The following LAMA5 variants were observed in gnomAD, a reference collection of about 807,000 sequenced individuals.
LAMA5 encodes the protein laminin subunit alpha 5.
LAMA5 carries 260 observed loss-of-function variants against 433.4 expected under a neutral mutation model. That is an observed-to-expected ratio of 0.60 (90% CI 0.54 to 0.66). The LOEUF (loss-of-function observed/expected upper bound fraction) is 0.66. Among genes scored for constraint, LAMA5 ranks in the 30% least tolerant of loss-of-function variants. The pLI is 0.00. For synonymous variants in LAMA5, 2,620 were observed against 2,226.6 expected, an observed-to-expected ratio of 1.18 and a Z score of -4.97; for missense variants, 5,378 against 5,258.5, an observed-to-expected ratio of 1.02 and a Z score of -0.70.
rs1979831810 is a variant in LAMA5 at position 62,328,988 on chromosome 20, C to T, written c.4303G>A (p.Ala1435Thr). ...ACTTCGTGGCAGCCACATGGACGGG[C>T]TCCGTTGTTATAGAAGAGGGAGAGG... ...ASLSLFYNNG[A>T]RPCGCHEVGA... is the part of the protein sequence containing the mutation. Residue 1435 changes from alanine to threonine, a missense_variant, in exon 34 of 80, where the codon GCC (alanine) becomes ACC (threonine). Physicochemically the swap from Ala to Thr is moderately conservative, Grantham distance 58. Coordinates refer to ENST00000252999, the MANE Select transcript of LAMA5 (RefSeq NM_005560.6). 6.2e-7 allele frequency: 1 copy of T among 1,612,498 alleles called. No individual in the cohort carries two copies. The highest frequency in any genetic ancestry group is 1.7e-5 in the Admixed American group (1 of 59,968).
chr20:62,325,625 CT>C, intron 40 of LAMA5, 79 bp from the exon 41 acceptor site: 1 of 937,786 alleles, frequency 1.1e-6, no homozygotes, highest in Non-Finnish European at 1.6e-6. Context: ...CCCCCCAACC[CT>C]GTAGGGGATG....
chr20:62,334,358 G>C lies in LAMA5; in HGVS notation c.2583-16C>G. The C allele has an allele frequency of 6.3e-7, 1 of 1,583,064 alleles. No individual in the cohort carries two copies. The highest frequency in any genetic ancestry group is 8.6e-7 in the Non-Finnish European group (1 of 1,165,260). On this transcript the variant is annotated splice_polypyrimidine_tract_variant and intron_variant, in intron 21 of 79. Transcript: ENST00000252999. ...CCTCGCAGGCCTGGCCACAGCAGGG[G>C]CTGGTCAGGTGCAGCTTGGCCATCC...
chr20:62,337,569 C>A (rs1981875432), intron 16 of LAMA5, 21 bp downstream of exon 16: 1 of 1,583,142 alleles, frequency 6.3e-7, no homozygotes, highest in Admixed American at 1.8e-5. Flanking sequence ...ACCTGGTGCA[C>A]ACAGCCACCT....
In LAMA5 at chr20:62,366,969, C is replaced by A; in HGVS notation, c.277G>T (p.Asp93Tyr). The A allele has an allele frequency of 7.8e-7, 1 of 1,274,476 alleles. No homozygotes were observed. The allele number at this position is 1,274,476 out of a possible 1,614,324, so 78.9% of individuals were successfully genotyped here. Reference protein sequence around the residue: ...KLVGGPVAGGDPNQTIRGQYC... With the variant: ...KLVGGPVAGGYPNQTIRGQYC... ...CTCACCCGGATGGTCTGGTTGGGGT[C>A]GCCGCCGGCCACGGGGCCCCCTACC... Residue 93 changes from aspartate (D) to tyrosine (Y), a missense_variant, in exon 1 of 80, where the codon GAC becomes TAC. Transcript: ENST00000252999.
intron 11 of LAMA5, among the ~76,000 whole-genome samples, chr20:62,343,513 C>T (rs1242613683): frequency 6.6e-6 from 1 of 152,190 alleles, no homozygotes; most frequent in Non-Finnish European, 1.5e-5. Flanking sequence ...CAGAGGCTTA[C>T]GCCTGTAATC....
intron 1 of LAMA5, among the ~76,000 whole-genome samples, chr20:62,364,199 C>T (rs1986468318): frequency 6.6e-6 from 1 of 152,192 alleles, no homozygotes; most frequent in Non-Finnish European, 1.5e-5. Flanking sequence ...TTGATGGTGG[C>T]CCCCAAACTC....
intron 6 of LAMA5, among the ~76,000 whole-genome samples, chr20:62,347,881 G>C (rs1983624039): frequency 6.6e-6 from 1 of 152,186 alleles, no homozygotes; most frequent in Non-Finnish European, 1.5e-5. Context: ...ACCTCACAGG[G>C]CCTCGGGAAT....
intron 11 of LAMA5, among the ~76,000 whole-genome samples, chr20:62,340,305 G>GTTTTTTTTTTTTTTTTTTTTTTTTTT (rs34415039): frequency 1.0e-5 from 1 of 99,464 alleles, no homozygotes; most frequent in Non-Finnish European, 1.8e-5. Context: ...AGCCTCCTTT[G>GTTTTTTTTTTTTTTTTTTTTTTTTTT]TTTTTTTTTT....
At chr20:62,354,363 C>T (rs1325984651) in intron 2 of LAMA5, among the ~76,000 whole-genome samples, 3 of 144,100 alleles carry the variant, frequency 2.1e-5, no homozygotes, top group Non-Finnish European at 4.6e-5. Flanking sequence ...CCCTACCCAT[C>T]CCCTGACACC....
intron 16 of LAMA5, among the ~76,000 whole-genome samples, chr20:62,337,382 G>A (rs138624944): frequency 1.3e-5 from 2 of 152,348 alleles, no homozygotes; most frequent in Non-Finnish European, 2.9e-5. Context: ...CACGACAGGC[G>A]CGGATGCACA....
In LAMA5 at chr20:62,318,832, A is replaced by C. The variant is rs112873489; in HGVS notation, c.7042+11T>G. The C allele has an allele frequency of 3.2e-5, 51 of 1,609,572 alleles. No individual in the cohort carries two copies. Among genetic ancestry groups the C allele is most frequent in the African/African-American group, 1.6e-4 (12 of 74,820 alleles). Reference sequence around the variant, plus strand: ...CTCCCCACCCCGCCTGCCAGGGACAACACCACTCACATCTCTGTGCTGCAG... The same window carrying C: ...CTCCCCACCCCGCCTGCCAGGGACACCACCACTCACATCTCTGTGCTGCAG... On this transcript the variant is annotated intron_variant, in intron 52 of 79. Transcript: ENST00000252999.
Position 62,346,572 on chromosome 20 carries a change from C to T in LAMA5, c.1216G>A (p.Glu406Lys). 1 of 1,583,434 alleles carries T rather than the reference C, an allele frequency of 6.3e-7. No homozygotes were observed. Among genetic ancestry groups the T allele is most frequent in the Non-Finnish European group, 8.6e-7 (1 of 1,164,868 alleles). Residue 406 changes from glutamate (E) to lysine (K), a missense_variant, in exon 9 of 80, where the codon GAG becomes AAG. Coordinates refer to ENST00000252999, the MANE Select transcript of LAMA5 (RefSeq NM_005560.6). The stretch of plus-strand genomic sequence containing the variant: ...CGGTAGAAGCCGGGCAGGCAGCGCT[C>T]ACAGTTGACGCCGGTGGTGTGGTGC... ...CQHHTTGVNC[E>K]RCLPGFYRSP... is the part of the protein sequence containing the mutation.
At position 62,329,140 on chromosome 20, in the gene LAMA5, G is replaced by A. The variant is rs777719142; in HGVS notation, c.4233C>T (p.Ile1411=). 1 of 1,612,594 alleles carries A rather than the reference G, an allele frequency of 6.2e-7. No homozygotes were observed. Among genetic ancestry groups the A allele is most frequent in the Non-Finnish European group, 8.5e-7 (1 of 1,179,694 alleles). The change falls in exon 33 of 80, where the codon ATC becomes ATT. Residue 1411 remains isoleucine (I), a splice_region_variant and synonymous_variant. Transcript: ENST00000252999. ...ISHCAAQGYH[I]SPSSSSLFCR... is the part of the protein sequence containing the mutation. Reference sequence around the variant, plus strand: ...TGACCTGCCAGAGCCCTGCCCACCTGATGTGGTAGCCCTGGGCTGCGCAGT... The same window carrying A: ...TGACCTGCCAGAGCCCTGCCCACCTAATGTGGTAGCCCTGGGCTGCGCAGT...
chr20:62,326,316 C>T (rs907616350), intron 40 of LAMA5: 20 of 195,538 alleles, frequency 1.0e-4, no homozygotes, highest in Non-Finnish European at 1.7e-4. Flanking sequence ...AGAGGGTAAG[C>T]ACCAAGAATA....
At position 62,309,798 on chromosome 20, in the gene LAMA5, G is replaced by A. The variant is rs564541502; in HGVS notation, c.10866C>T (p.Asp3622=). Residue 3622 remains aspartate, a synonymous_variant, in exon 79 of 80, where the codon GAC becomes GAT. Transcript: ENST00000252999. ...GGCCCACGGTGTGGTTGCTCTGCGC[G>A]TCCACCTCCAGCCGGAGCACATTCC... ...KSGNVLRLEV[D]AQSNHTVGPL... is the part of the protein sequence containing the mutation. 139 of 1,610,580 alleles carry A rather than the reference G, an allele frequency of 8.6e-5. No homozygotes were observed. Among genetic ancestry groups the A allele is most frequent in the South Asian group, 7.0e-4 (64 of 90,946 alleles).
In LAMA5 at chr20:62,327,242, C is replaced by T; in HGVS notation, c.5103G>A (p.Leu1701=). ...CTGATGCCCTGCTTACCCGGTCCCC[C>T]AGGTAGGAGGGTGGGGCCTGCCAGT... is the stretch of plus-strand genomic sequence containing the variant. The part of the protein sequence containing the change: ...ELYWQAPPSY[L]GDRVSSYGGT... The change falls in exon 38 of 80, where the codon CTG becomes CTA. Residue 1701 remains leucine (L), a synonymous_variant. Transcript: ENST00000252999. 6.6e-7 allele frequency: 1 copy of T among 1,513,292 alleles called. No individual in the cohort carries two copies. Among genetic ancestry groups the T allele is most frequent in the Non-Finnish European group, 8.8e-7 (1 of 1,134,160 alleles). 93.7% of individuals were successfully genotyped at this position (1,513,292 alleles called of 1,614,324 possible). A position where few individuals can be genotyped will look rare whatever the true frequency, so the allele number is the denominator to read the frequency against.
chr20:62,352,203 T>TCTC, intron 4 of LAMA5, 39 bp downstream of exon 4: 1 of 1,568,276 alleles, frequency 6.4e-7, no homozygotes, highest in South Asian at 1.1e-5. Context: ...ACCTCTCCGT[T>TCTC]CTCCAGCCCC....
intron 1 of LAMA5, among the ~76,000 whole-genome samples, chr20:62,363,543 G>A (rs1157254230): frequency 1.3e-5 from 2 of 152,128 alleles, no homozygotes; most frequent in South Asian, 2.1e-4. Flanking sequence ...TGGGAGCCGG[G>A]GCAGGGATGA....
rs755038072 is a variant in LAMA5, at chr20:62,314,747, C to T, written c.8197-22G>A. ...TGACCTGCGGGGCACGGTCCATCAG[C>T]GTCCACCACCACCCTCCCTGATGTC... On this transcript the variant is annotated intron_variant, in intron 60 of 79. Coordinates refer to ENST00000252999, the MANE Select transcript of LAMA5 (RefSeq NM_005560.6). The T allele has an allele frequency of 2.5e-5, 41 of 1,612,376 alleles. No individual in the cohort carries two copies. In the East Asian group the frequency reaches 3.6e-4, roughly 14 times the overall value.
Sources: allele counts gnomAD v4.1 joint callset (sites outside exome capture counted in the v4.1 genomes callset), GRCh38; gene constraint gnomAD v4.1.1; transcripts MANE v1.5; gene names NCBI Gene and HGNC (gene_info 2026-07-23, HGNC 2026-07-21).